Variants in CCSER1 observed in about 807,000 individuals in gnomAD.
CCSER1 encodes the protein coiled-coil serine rich protein 1.
Under a neutral mutation model 82.0 loss-of-function variants are expected in CCSER1, and 41 were observed. That is an observed-to-expected ratio of 0.50 (90% CI 0.39 to 0.65). The LOEUF (loss-of-function observed/expected upper bound fraction) is 0.65. CCSER1 is among the 30% of genes least tolerant of loss of function. CCSER1 has a pLI of 0.00. For synonymous variants in CCSER1, 414 were observed against 383.9 expected, an observed-to-expected ratio of 1.08 and a Z score of -0.92; for missense variants, 1,119 against 1,064.2, an observed-to-expected ratio of 1.05 and a Z score of -0.72.
chr4:91,420,824 T>C lies in CCSER1; in HGVS notation c.2218-177748T>C, dbSNP rs1347039364. On this transcript the variant is annotated intron_variant, in intron 10 of 10. Coordinates refer to ENST00000509176, the MANE Select transcript of CCSER1 (RefSeq NM_001145065.2). ...ACAGATGAATGGATAGAAAATGTGA[T>C]AGAGATAGATAGATAGAGATATATA... 4.6e-5 allele frequency among the ~76,000 whole-genome samples: 7 copies of C among 152,198 alleles called. No individual in the cohort carries two copies. The East Asian group carries it at 1.4e-3, about 29-fold the overall frequency.
In CCSER1 at chr4:91,477,754, A is replaced by C. The variant is rs183642178; in HGVS notation, c.2218-120818A>C. 3.9e-3 allele frequency among the ~76,000 whole-genome samples: 599 copies of C among 151,960 alleles called. 2 individuals are homozygous for C. The highest frequency in any genetic ancestry group is 0.014 in the African/African-American group (576 of 41,562). On this transcript the variant is annotated intron_variant, in intron 10 of 10. Coordinates refer to ENST00000509176, the MANE Select transcript of CCSER1 (RefSeq NM_001145065.2). ...TCACTTGTGGCTTTCCAAAGGTGAA[A>C]GAGAAATCAATAAAAATTCTTACAT...
intron 5 of CCSER1, among the ~76,000 whole-genome samples, chr4:90,483,756 G>T (rs1476978042): frequency 6.6e-6 from 1 of 152,186 alleles, no homozygotes; most frequent in Non-Finnish European, 1.5e-5. Context: ...TTAGTGTGAT[G>T]GGCTTCCCTT....
chr4:90,392,515 T>C (rs1751356152), intron 3 of CCSER1, among the ~76,000 whole-genome samples: 2 of 152,090 alleles, frequency 1.3e-5, no homozygotes, highest in Non-Finnish European at 2.9e-5. Flanking sequence ...CCTTTCAGAA[T>C]CTCATTTTGC....
intron 6 of CCSER1, among the ~76,000 whole-genome samples, chr4:90,636,058 A>T (rs1011206691): frequency 5.3e-5 from 8 of 152,084 alleles, no homozygotes; most frequent in Non-Finnish European, 1.0e-4. Context: ...TGATAAAAAA[A>T]GATTATAGAA....
At chr4:91,174,218 C>T (rs1733067943) in intron 10 of CCSER1, among the ~76,000 whole-genome samples, 1 of 152,158 alleles carries the variant, frequency 6.6e-6, no homozygotes, top group Admixed American at 6.5e-5. Context: ...TTTTGGATGG[C>T]AGTCTTTTCT....
intron 10 of CCSER1, among the ~76,000 whole-genome samples, chr4:91,281,924 G>T (rs1016796095): frequency 6.6e-6 from 1 of 152,038 alleles, no homozygotes; most frequent in African/African-American, 2.4e-5. Context: ...CAAATAAATA[G>T]AAAACATGTG....
intron 1 of CCSER1, among the ~76,000 whole-genome samples, chr4:90,190,683 G>A (rs1484812350): frequency 1.3e-5 from 2 of 152,104 alleles, no homozygotes; most frequent in Non-Finnish European, 2.9e-5. Context: ...CCTAAGGCCA[G>A]TTCTGGCCTG....
chr4:90,911,274 C>T (rs934508021), intron 8 of CCSER1: 2 of 455,898 alleles, frequency 4.4e-6, no homozygotes, highest in African/African-American at 2.0e-5. Context: ...ATTTTGTGTT[C>T]CATGAGAGGA....
chr4:91,083,013 A>G (rs1341995381), intron 9 of CCSER1, among the ~76,000 whole-genome samples: 1 of 152,180 alleles, frequency 6.6e-6, no homozygotes, highest in East Asian at 1.9e-4. Context: ...CGATTCCTCA[A>G]GGATCTAGAA....
chr4:91,051,202 C>A (rs13149654), intron 9 of CCSER1, among the ~76,000 whole-genome samples: 13,293 of 151,900 alleles, frequency 0.088, 690 homozygotes, highest in East Asian at 0.18. Flanking sequence ...ATAACTATTA[C>A]CAAATATCAA....
intron 1 of CCSER1, among the ~76,000 whole-genome samples, chr4:90,206,676 T>A (rs1330711393): frequency 3.3e-5 from 5 of 151,734 alleles, no homozygotes; most frequent in African/African-American, 1.2e-4. Flanking sequence ...TTCTGTTGAT[T>A]TGAGGTGGAG....
chr4:90,561,463 C>T (rs1778752854), intron 5 of CCSER1, among the ~76,000 whole-genome samples: 3 of 152,202 alleles, frequency 2.0e-5, no homozygotes, highest in Admixed American at 1.3e-4. Context: ...AAATAGCTCC[C>T]TCTTGACTGA....
Position 91,067,336 on chromosome 4 carries a change from C to CT in CCSER1, c.2173-18602dup, listed in dbSNP as rs1188236092. Among the ~76,000 whole-genome samples the CT allele has an allele frequency of 6.5e-3, 937 of 143,290 alleles. 5 individuals are homozygous for CT. Among genetic ancestry groups the CT allele is most frequent in the African/African-American group, 7.8e-3 (307 of 39,178 alleles). The allele number at this position is 143,290 out of a possible 152,430, so 94.0% of individuals were successfully genotyped here. ...GGTACAATAAGATGTTTGTCTCATC[C>CT]TTTTTTTTTTTTCTTTTTTTTTTGC... On this transcript the variant is annotated intron_variant, in intron 9 of 10. Transcript: ENST00000509176.
intron 10 of CCSER1, among the ~76,000 whole-genome samples, chr4:91,270,146 C>A (rs1741907487): frequency 6.6e-6 from 1 of 152,134 alleles, no homozygotes; most frequent in Admixed American, 6.5e-5. Flanking sequence ...TGGCCTCAAG[C>A]TTTTGGATAA....
At chr4:91,020,057 A>G (rs904690308) in intron 9 of CCSER1, among the ~76,000 whole-genome samples, 1 of 152,198 alleles carries the variant, frequency 6.6e-6, no homozygotes, top group African/African-American at 2.4e-5. Context: ...ATTGAGAGTA[A>G]GAATTATAAT....
At chr4:91,524,879 A>G (rs1404853020) in intron 10 of CCSER1, among the ~76,000 whole-genome samples, 1 of 152,152 alleles carries the variant, frequency 6.6e-6, no homozygotes, top group Non-Finnish European at 1.5e-5. Flanking sequence ...CACATAGGAC[A>G]TAGTATTTCC....
chr4:91,168,146 C>A (rs1410869219), intron 10 of CCSER1, among the ~76,000 whole-genome samples: 2 of 147,038 alleles, frequency 1.4e-5, no homozygotes, highest in Admixed American at 6.8e-5. Flanking sequence ...GCCGCCCCAT[C>A]TGGGAATTGA....
At chr4:90,772,197 A>G (rs1366880595) in intron 7 of CCSER1, among the ~76,000 whole-genome samples, 2 of 152,192 alleles carry the variant, frequency 1.3e-5, no homozygotes, top group Admixed American at 6.5e-5. Flanking sequence ...AGAAGTTCCT[A>G]TCATATTGTT....
chr4:90,835,977 G>A (rs1210102237), intron 8 of CCSER1, among the ~76,000 whole-genome samples: 2 of 152,154 alleles, frequency 1.3e-5, no homozygotes, highest in Non-Finnish European at 2.9e-5. Flanking sequence ...TTGTGAATCT[G>A]ATGCTCTTGT....
Sources: allele counts gnomAD v4.1 joint callset (sites outside exome capture counted in the v4.1 genomes callset), GRCh38; gene constraint gnomAD v4.1.1; transcripts MANE v1.5; gene names NCBI Gene and HGNC (gene_info 2026-07-23, HGNC 2026-07-21).